Variants in ASTN2 observed in about 807,000 individuals in gnomAD.
The protein encoded by ASTN2 is astrotactin 2, also known as astrotactin-2.
ASTN2 carries 54 observed loss-of-function variants against 139.8 expected under a neutral mutation model. The observed-to-expected ratio is 0.39, with a 90% CI of 0.31 to 0.48. The LOEUF is 0.48. Among genes scored for constraint, ASTN2 ranks in the 20% least tolerant of loss-of-function variants. The pLI, the probability that ASTN2 is intolerant of heterozygous loss-of-function variation, is 0.95. For missense variants in ASTN2, 1,565 were observed against 1,725.1 expected (o/e 0.91, Z 1.64); for synonymous variants, 756 against 719.5 (o/e 1.05, Z -0.81).
At chr9:117,232,316 ATC>A (rs905556431) in intron 2 of ASTN2, among the ~76,000 whole-genome samples, 2 of 152,094 alleles carry the variant, frequency 1.3e-5, no homozygotes, top group African/African-American at 4.8e-5. Flanking sequence ...TTTCCCCCAA[ATC>A]TCTCTCTTGC....
chr9:116,432,936 G>T (rs550049078), intron 22 of ASTN2, among the ~76,000 whole-genome samples: 1 of 151,910 alleles, frequency 6.6e-6, no homozygotes, highest in East Asian at 1.9e-4. Flanking sequence ...TCTTGGGGAA[G>T]GAAGGAAGGA....
intron 19 of ASTN2, among the ~76,000 whole-genome samples, chr9:116,567,614 G>A (rs1853300605): frequency 6.6e-6 from 1 of 152,172 alleles, no homozygotes; most frequent in South Asian, 2.1e-4. Flanking sequence ...GCTGTAGCAT[G>A]GAAGATGGAT....
intron 4 of ASTN2, among the ~76,000 whole-genome samples, chr9:117,128,315 A>T (rs10759902): frequency 2.0e-5 from 3 of 146,598 alleles, no homozygotes; most frequent in Non-Finnish European, 3.0e-5. Flanking sequence ...TGGAGGTTGC[A>T]GTGGGCCAGA....
chr9:117,115,525 A>AAAAAC (rs1487465958), intron 4 of ASTN2, among the ~76,000 whole-genome samples: 3 of 152,194 alleles, frequency 2.0e-5, no homozygotes, highest in Non-Finnish European at 2.9e-5. Context: ...TTTGTCTCAG[A>AAAAAC]AAAACAAAAC....
intron 19 of ASTN2, among the ~76,000 whole-genome samples, chr9:116,537,589 ACTG>A (rs1486441741): frequency 6.6e-6 from 1 of 152,212 alleles, no homozygotes; most frequent in Non-Finnish European, 1.5e-5. Flanking sequence ...GTGAAAGCTA[ACTG>A]CTCTTGAGAT....
chr9:116,626,555 T>C (rs897387824), intron 17 of ASTN2, among the ~76,000 whole-genome samples: 1 of 151,992 alleles, frequency 6.6e-6, no homozygotes, highest in Admixed American at 6.6e-5. Flanking sequence ...CTTGAAGCCA[T>C]TGAAAGGAAA....
chr9:117,352,567 A>G (rs1473837692), intron 1 of ASTN2, among the ~76,000 whole-genome samples: 1 of 152,236 alleles, frequency 6.6e-6, no homozygotes, highest in Admixed American at 6.5e-5. Context: ...AGAAGTGGAC[A>G]AAGAGTGGTA....
intron 19 of ASTN2, among the ~76,000 whole-genome samples, chr9:116,496,031 C>G (rs1849658993): frequency 6.6e-6 from 1 of 152,134 alleles, no homozygotes; most frequent in Non-Finnish European, 1.5e-5. Context: ...ATGGCTTACT[C>G]CCTCTCCTTT....
At chr9:116,842,707 C>T (rs1213630914) in intron 11 of ASTN2, among the ~76,000 whole-genome samples, 6 of 118,168 alleles carry the variant, frequency 5.1e-5, no homozygotes, top group South Asian at 6.2e-4. Flanking sequence ...TGCTGGACTT[C>T]GGTGCTCACA....
At chr9:117,354,089 C>T (rs1331341026) in intron 1 of ASTN2, among the ~76,000 whole-genome samples, 2 of 152,120 alleles carry the variant, frequency 1.3e-5, no homozygotes, top group Non-Finnish European at 2.9e-5. Flanking sequence ...AACAAAAGTA[C>T]TACTCTGGTG....
At chr9:116,640,220 T>C (rs1211190280) in intron 17 of ASTN2, among the ~76,000 whole-genome samples, 1 of 152,084 alleles carries the variant, frequency 6.6e-6, no homozygotes, top group Admixed American at 6.5e-5. Context: ...TAGACTAGGG[T>C]TGGGTTGGAT....
chr9:116,431,341 C>T (rs1048129643), intron 22 of ASTN2, among the ~76,000 whole-genome samples: 1 of 151,986 alleles, frequency 6.6e-6, no homozygotes, highest in African/African-American at 2.4e-5. Flanking sequence ...TTAGCTGTCC[C>T]GAAGCTTAAT....
rs764965249 is a variant in ASTN2 at position 117,414,525 on chromosome 9, G to C, written c.414C>G (p.Asp138Glu). Residue 138 changes from aspartate to glutamate, a missense_variant, in exon 1 of 23, where the codon GAC becomes GAG. Asp to Glu is a conservative substitution (Grantham distance 45, BLOSUM62 2). This residue lies in a region of ASTN2 where 596 missense variants were observed against 576.8 expected (regional missense o/e 1.03). Transcript: ENST00000313400. This position sits in a 1 kb window ranked among gnomAD's most constrained non-coding sequence, Gnocchi z 4.2. The part of the protein sequence containing the change: ...PGRIAVQDDL[D>E]NTELPFFTLE... ...GGGTGAAGAAGGGCAGCTCGGTGTTGTCCAGGTCGTCCTGCACCGCGATGC... is the reference window on the plus strand; with the variant it reads ...GGGTGAAGAAGGGCAGCTCGGTGTTCTCCAGGTCGTCCTGCACCGCGATGC... 6.2e-7 allele frequency: 1 copy of C among 1,609,034 alleles called. No homozygotes were observed. Among genetic ancestry groups the C allele is most frequent in the South Asian group, 1.1e-5 (1 of 90,948 alleles).
chr9:116,651,866 C>T, intron 16 of ASTN2, 73 bp from the exon 17 acceptor site: 1 of 1,530,852 alleles, frequency 6.5e-7, no homozygotes. Flanking sequence ...CTTGAATTCA[C>T]AAAATACAGA....
At position 117,414,409 on chromosome 9, in the gene ASTN2, G is replaced by A; in HGVS notation, c.442+88C>T. The A allele has an allele frequency of 6.4e-7, 1 of 1,560,688 alleles. No homozygotes were observed. On this transcript the variant is annotated intron_variant, in intron 1 of 22. Coordinates refer to ENST00000313400, the MANE Select transcript of ASTN2 (RefSeq NM_001365068.1). The surrounding 1 kb of genome is among the most constrained non-coding windows in gnomAD (Gnocchi z 4.2). ...ACCCCACTCGGGGCAGCCCCGGGCA[G>A]GGATCCCCAGGGCGCCCCCACCCGT... is the stretch of plus-strand genomic sequence containing the variant.
chr9:117,341,617 C>G (rs112537596), intron 1 of ASTN2, among the ~76,000 whole-genome samples: 10 of 152,124 alleles, frequency 6.6e-5, no homozygotes, highest in African/African-American at 2.4e-4. Context: ...TTTTTATGGG[C>G]CTTTTGCCAC....
rs192297647 is a variant in ASTN2, at chr9:116,993,966, T to C, written c.1591+14126A>G. 6.9e-3 allele frequency among the ~76,000 whole-genome samples: 1,042 copies of C among 151,244 alleles called. 7 individuals are homozygous for C. Among genetic ancestry groups the C allele is most frequent in the South Asian group, 0.02 (95 of 4,816 alleles). ...TTACATGGTGGCAGGGATTTTTTTG[T>C]TTTGTTTTGTTTTCTTTCTTCTGTC... On this transcript the variant is annotated intron_variant, in intron 7 of 22. Coordinates refer to ENST00000313400, the MANE Select transcript of ASTN2 (RefSeq NM_001365068.1).
At chr9:117,045,207 CT>C in intron 5 of ASTN2, among the ~76,000 whole-genome samples, 1 of 144,342 alleles carries the variant, frequency 6.9e-6, no homozygotes, top group Non-Finnish European at 1.5e-5. Flanking sequence ...GAACAGTGGT[CT>C]TTTTTCAGAG....
Position 117,181,141 on chromosome 9 carries a change from C to T in ASTN2, c.1015+33217G>A. 8.9e-6 allele frequency: 7 copies of T among 790,898 alleles called. No individual in the cohort carries two copies. In the South Asian group the frequency reaches 1.0e-4, roughly 11 times the overall value. The allele number at this position is 790,898 out of a possible 1,614,324, so 49.0% of individuals were successfully genotyped here. ...ACACTACCAAGAAAGCTGCTGTTTGCAGCCATTGCACAATGGGCCCCCATG... is the reference window on the plus strand; with the variant it reads ...ACACTACCAAGAAAGCTGCTGTTTGTAGCCATTGCACAATGGGCCCCCATG... On this transcript the variant is annotated intron_variant, in intron 3 of 22. Transcript: ENST00000313400.
Sources: allele counts gnomAD v4.1 joint callset (sites outside exome capture counted in the v4.1 genomes callset), GRCh38; gene constraint gnomAD v4.1.1; regional missense constraint gnomAD v4.1.1; non-coding constraint Gnocchi (gnomAD v3.1); transcripts MANE v1.5; gene names NCBI Gene and HGNC (gene_info 2026-07-23, HGNC 2026-07-21).